The following CLRN3 variants were observed in gnomAD, a reference collection of about 807,000 sequenced individuals.
CLRN3 encodes the protein clarin-3.
In CLRN3, 12 loss-of-function variants were observed where a neutral mutation model predicts 16.7. That is an observed-to-expected ratio of 0.72 (90% confidence interval 0.46 to 1.16). The LOEUF is 1.16. Ranked by LOEUF, CLRN3 falls within the 50% of genes most tolerant of loss-of-function variation. The pLI is 0.00. For missense variants in CLRN3, 296 were observed against 274.2 expected, an observed-to-expected ratio of 1.08 and a Z score of -0.56; for synonymous variants, 118 against 113.0, an observed-to-expected ratio of 1.04 and a Z score of -0.28.
chr10:127,878,381 T>A lies in CLRN3; in HGVS notation c.449A>T (p.Asn150Ile). The A allele has an allele frequency of 6.2e-7, 1 of 1,614,242 alleles. No individual in the cohort carries two copies. Among genetic ancestry groups the A allele is most frequent in the Non-Finnish European group, 8.5e-7 (1 of 1,180,040 alleles). Residue 150 changes from asparagine (N) to isoleucine (I), a missense_variant, in exon 3 of 3, where the codon AAC (asparagine) becomes ATC (isoleucine). Asn to Ile is a moderately radical substitution (Grantham distance 149, BLOSUM62 -3). Coordinates refer to ENST00000368671, the MANE Select transcript of CLRN3 (RefSeq NM_152311.5). ...TTCGGAGAGTTGGTTGGACTGCGTG[T>A]TCGCCACAAACAGTATCATGGTCAC... Reference protein sequence around the residue: ...VFVTMILFVANTQSNQLSEEL... With the variant: ...VFVTMILFVAITQSNQLSEEL...
At chr10:127,886,781 C>T (rs948395777) in intron 1 of CLRN3, among the ~76,000 whole-genome samples, 25 of 152,234 alleles carry the variant, frequency 1.6e-4, no homozygotes, top group African/African-American at 3.6e-4. Flanking sequence ...AAGTCCAGCT[C>T]GCACAGGTAC....
chr10:127,886,740 G>C (rs965433457), intron 1 of CLRN3, among the ~76,000 whole-genome samples: 3 of 152,244 alleles, frequency 2.0e-5, no homozygotes, highest in Admixed American at 6.5e-5. Context: ...TCACCACCCT[G>C]CTCCTCAAGT....
intron 1 of CLRN3, among the ~76,000 whole-genome samples, chr10:127,889,884 C>T (rs1845239581): frequency 6.6e-6 from 1 of 152,204 alleles, no homozygotes; most frequent in Non-Finnish European, 1.5e-5. Context: ...TTACATGGCA[C>T]CCAAGATCCA....
chr10:127,879,881 G>A (rs902975463), intron 2 of CLRN3, among the ~76,000 whole-genome samples: 21 of 152,134 alleles, frequency 1.4e-4, no homozygotes, highest in Admixed American at 8.5e-4. Flanking sequence ...GGTCTGATAC[G>A]CACGGGGGCC....
At chr10:127,886,986 G>A (rs1376236629) in intron 1 of CLRN3, among the ~76,000 whole-genome samples, 2 of 152,350 alleles carry the variant, frequency 1.3e-5, no homozygotes, top group South Asian at 2.1e-4. Flanking sequence ...CTTCTGGGTG[G>A]GTGGGATGTG....
chr10:127,887,271 C>G (rs934095450), intron 1 of CLRN3, among the ~76,000 whole-genome samples: 2 of 152,140 alleles, frequency 1.3e-5, no homozygotes, highest in African/African-American at 4.8e-5. Flanking sequence ...CCAGTTCCTC[C>G]TGGACGCTAA....
intron 1 of CLRN3, among the ~76,000 whole-genome samples, chr10:127,885,351 C>A (rs1469174962): frequency 6.6e-6 from 1 of 152,170 alleles, no homozygotes; most frequent in Non-Finnish European, 1.5e-5. Context: ...AAATCTGCAT[C>A]TCCACGACTT....
chr10:127,886,807 A>T lies in CLRN3; in HGVS notation c.230-2932T>A, dbSNP rs143664446. On this transcript the variant is annotated intron_variant, in intron 1 of 2. Transcript: ENST00000368671. ...GCACAGGTACAGCCTACTTGTGCTC[A>T]ATGGTGACTGGACTATTTTGCAATT... Among the ~76,000 whole-genome samples the T allele has an allele frequency of 2.8e-3, 424 of 152,348 alleles. 5 individuals are homozygous for T. The highest frequency in any genetic ancestry group is 9.6e-3 in the African/African-American group (398 of 41,582).
At chr10:127,879,388 G>C (rs1213284763) in intron 2 of CLRN3, among the ~76,000 whole-genome samples, 1 of 152,132 alleles carries the variant, frequency 6.6e-6, no homozygotes, top group Non-Finnish European at 1.5e-5. Flanking sequence ...CTACTCTGCC[G>C]AGCCCTAAAG....
intron 1 of CLRN3, among the ~76,000 whole-genome samples, chr10:127,884,538 G>A (rs553569082): frequency 1.2e-4 from 18 of 152,360 alleles, no homozygotes; most frequent in Admixed American, 9.1e-4. Flanking sequence ...CGCTGGAGGC[G>A]GCTGGGAATT....
chr10:127,884,329 A>C (rs765699554), intron 1 of CLRN3, among the ~76,000 whole-genome samples: 1 of 152,200 alleles, frequency 6.6e-6, no homozygotes, highest in Non-Finnish European at 1.5e-5. Flanking sequence ...AGAATCCCAC[A>C]AGCCCTGTGG....
chr10:127,879,940 AT>A (rs1165454398), intron 2 of CLRN3, among the ~76,000 whole-genome samples: 1 of 152,124 alleles, frequency 6.6e-6, no homozygotes, highest in East Asian at 1.9e-4. Context: ...GTCTGCCGCC[AT>A]GTACCCGGAA....
rs536253251 is a variant in CLRN3, at chr10:127,878,208, G to A, written c.622C>T (p.Arg208Trp). 3.3e-5 allele frequency: 53 copies of A among 1,614,128 alleles called. No homozygotes were observed. Among genetic ancestry groups the A allele is most frequent in the Middle Eastern group, 1.6e-4 (1 of 6,062 alleles). The change falls in exon 3 of 3, where the codon CGG becomes TGG. Residue 208 changes from arginine to tryptophan, a missense_variant. Physicochemically the swap from Arg to Trp is moderately radical, Grantham distance 101. Coordinates refer to ENST00000368671, the MANE Select transcript of CLRN3 (RefSeq NM_152311.5). Reference sequence around the variant, plus strand: ...ATTGGCTTTCTCTGCTCCTGCTTCCGCTGGTATCTGGCCTTCTGGTAGAAA... The same window carrying A: ...ATTGGCTTTCTCTGCTCCTGCTTCCACTGGTATCTGGCCTTCTGGTAGAAA... Reference protein sequence around the residue: ...IIFYQKARYQRKQEQRKPMEY... With the variant: ...IIFYQKARYQWKQEQRKPMEY...
chr10:127,879,895 A>C (rs1165547963), intron 2 of CLRN3, among the ~76,000 whole-genome samples: 3 of 152,180 alleles, frequency 2.0e-5, no homozygotes, highest in Non-Finnish European at 4.4e-5. Flanking sequence ...GGGGGCCGCC[A>C]GGGGATCCTG....
In CLRN3 at chr10:127,889,317, G is replaced by C. The variant is rs545098276; in HGVS notation, c.229+3239C>G. Among the ~76,000 whole-genome samples, 4 of 152,200 alleles carry C rather than the reference G, an allele frequency of 2.6e-5. No homozygotes were observed. The East Asian group carries it at 7.8e-4, about 29-fold the overall frequency. On this transcript the variant is annotated intron_variant, in intron 1 of 2. Coordinates refer to ENST00000368671, the MANE Select transcript of CLRN3 (RefSeq NM_152311.5). ...AGACTGGGCGACAAAGCAAGACGCTGTCTCAAAAAAGAAAAGAAAAATCTT... is the reference window on the plus strand; with the variant it reads ...AGACTGGGCGACAAAGCAAGACGCTCTCTCAAAAAAGAAAAGAAAAATCTT...
intron 1 of CLRN3, among the ~76,000 whole-genome samples, chr10:127,890,774 G>T (rs1399956207): frequency 1.3e-5 from 2 of 151,886 alleles, no homozygotes; most frequent in Non-Finnish European, 2.9e-5. Context: ...AGCATCCCGG[G>T]ATCGTTAGCA....
intron 2 of CLRN3, among the ~76,000 whole-genome samples, chr10:127,883,270 ATGTGTG>A (rs5788877): frequency 9.2e-4 from 139 of 151,268 alleles, no homozygotes; most frequent in East Asian, 3.8e-3. Flanking sequence ...TGGTGTGTTC[ATGTGTG>A]TGTGTGTGTG....
chr10:127,886,817 G>A (rs1052849163), intron 1 of CLRN3, among the ~76,000 whole-genome samples: 6 of 152,210 alleles, frequency 3.9e-5, no homozygotes, highest in African/African-American at 1.4e-4. Flanking sequence ...AATGGTGACT[G>A]GACTATTTTG....
rs1316243609 is a variant in CLRN3 at position 127,885,320 on chromosome 10, A to AT, written c.230-1446dup. On this transcript the variant is annotated intron_variant, in intron 1 of 2. Transcript: ENST00000368671. The stretch of plus-strand genomic sequence containing the variant: ...CTTGCATCGCCGTAATGATTTAAAA[A>AT]TTCCTCATTATGCTGAGCCCAAATC... 4.6e-5 allele frequency among the ~76,000 whole-genome samples: 7 copies of AT among 152,158 alleles called. No individual in the cohort carries two copies. In the East Asian group the frequency reaches 9.7e-4, roughly 21 times the overall value.
Sources: gnomAD v4.1 joint callset for allele counts (sites outside exome capture counted in the v4.1 genomes callset) on GRCh38, gnomAD v4.1.1 for gene constraint, MANE v1.5 for transcripts, NCBI Gene and HGNC (gene_info 2026-07-23, HGNC 2026-07-21) for gene names.